The following SLC38A9 variants were observed in gnomAD, a reference collection of about 807,000 sequenced individuals.
The protein encoded by SLC38A9 is solute carrier family 38 member 9.
A neutral mutation model predicts 62.3 loss-of-function variants in SLC38A9; 48 were observed. The observed-to-expected ratio is 0.77, with a 90% confidence interval of 0.61 to 0.98. The LOEUF (loss-of-function observed/expected upper bound fraction) is 0.98. SLC38A9 is among the 50% of genes least tolerant of loss of function. SLC38A9 has a pLI of 0.00. For synonymous variants in SLC38A9, 204 were observed against 227.7 expected (o/e 0.90, Z 0.94); for missense variants, 541 against 679.8 (o/e 0.80, Z 2.27).
Position 55,643,833 on chromosome 5 carries a change from A to G in SLC38A9, c.1167+1956T>C, listed in dbSNP as rs567481400. 5.9e-5 allele frequency among the ~76,000 whole-genome samples: 9 copies of G among 152,350 alleles called. No homozygotes were observed. The South Asian group carries it at 1.9e-3, about 32-fold the overall frequency. ...AGTTCTAAAGTCTATTTCATCTGATATCAATTTGGCCACTCCAGCTTTCTT... is the reference window on the plus strand; with the variant it reads ...AGTTCTAAAGTCTATTTCATCTGATGTCAATTTGGCCACTCCAGCTTTCTT... On this transcript the variant is annotated intron_variant, in intron 12 of 15. Transcript: ENST00000396865.
chr5:55,705,182 A>C (rs1757131075), intron 2 of SLC38A9, among the ~76,000 whole-genome samples: 3 of 152,260 alleles, frequency 2.0e-5, no homozygotes, highest in South Asian at 2.1e-4. Context: ...AGGTAAGAAA[A>C]ATAAAAAGGT....
At chr5:55,672,408 T>A (rs1751471749) in intron 4 of SLC38A9, among the ~76,000 whole-genome samples, 155 bp downstream of exon 4, 1 of 152,192 alleles carries the variant, frequency 6.6e-6, no homozygotes, top group African/African-American at 2.4e-5. Flanking sequence ...GCCTGAGATG[T>A]AGGATGTGTG....
intron 9 of SLC38A9, among the ~76,000 whole-genome samples, chr5:55,654,748 T>A (rs1464345682): frequency 6.6e-6 from 1 of 152,166 alleles, no homozygotes; most frequent in African/African-American, 2.4e-5. Context: ...TGGAAAATGG[T>A]GTTGACAGTA....
At chr5:55,710,399 G>T (rs970005272) in intron 2 of SLC38A9, among the ~76,000 whole-genome samples, 4 of 151,192 alleles carry the variant, frequency 2.6e-5, no homozygotes. Context: ...GTAGAGACAG[G>T]GTTTCACCAT....
intron 3 of SLC38A9, among the ~76,000 whole-genome samples, chr5:55,678,645 CTTTTTTTTTTT>C (rs869297949): frequency 0.011 from 502 of 45,824 alleles, 10 homozygotes; most frequent in East Asian, 0.039. Context: ...CTGAAATGAA[CTTTTTTTTTTT>C]TTTTTTTTTT....
At chr5:55,666,293 TA>T (rs1750460948) in intron 7 of SLC38A9, among the ~76,000 whole-genome samples, 2 of 152,214 alleles carry the variant, frequency 1.3e-5, no homozygotes, top group African/African-American at 4.8e-5. Context: ...ATTAGTAATA[TA>T]AACTTTTTGT....
intron 3 of SLC38A9, chr5:55,692,754 A>G (rs2408204): frequency 0.65 from 641,490 of 984,756 alleles, 210,373 homozygotes; most frequent in South Asian, 0.7. Flanking sequence ...AATGACTTAC[A>G]TTCTGTTGTC....
chr5:55,672,704 G>A lies in SLC38A9; in HGVS notation c.114-9C>T, dbSNP rs1458658895. 1.9e-6 allele frequency: 3 copies of A among 1,608,666 alleles called. No individual in the cohort carries two copies. Among genetic ancestry groups the A allele is most frequent in the South Asian group, 2.2e-5 (2 of 89,834 alleles). ...GCTCTATACAGAAAGGCCTACAAAG[G>A]GAATATACACTTGACAAAAAGTGTT... On this transcript the variant is annotated splice_polypyrimidine_tract_variant and intron_variant, in intron 3 of 15. Coordinates refer to ENST00000396865, the MANE Select transcript of SLC38A9 (RefSeq NM_173514.4).
Position 55,697,828 on chromosome 5 carries a change from T to C in SLC38A9, c.113+18A>G. 1 of 1,363,870 alleles carries C rather than the reference T, an allele frequency of 7.3e-7. No individual in the cohort carries two copies. Among genetic ancestry groups the C allele is most frequent in the Non-Finnish European group, 1.0e-6 (1 of 977,030 alleles). The allele number at this position is 1,363,870 out of a possible 1,614,324, so 84.5% of individuals were successfully genotyped here. ...TAAAGACCCTAATTATGAAATGTGT[T>C]TTATTTTAAATGCTTACCTTTTGGA... On this transcript the variant is annotated intron_variant, in intron 3 of 15. Transcript: ENST00000396865.
At chr5:55,646,109 C>T (rs1746293076) in intron 11 of SLC38A9, among the ~76,000 whole-genome samples, 1 of 152,210 alleles carries the variant, frequency 6.6e-6, no homozygotes, top group African/African-American at 2.4e-5. Context: ...AGTGTGGTGG[C>T]TCACACCTGT....
intron 4 of SLC38A9, among the ~76,000 whole-genome samples, chr5:55,671,326 T>G (rs1751282070): frequency 6.6e-6 from 1 of 151,860 alleles, no homozygotes; most frequent in African/African-American, 2.4e-5. Context: ...TTTTATAATT[T>G]TATAAATTTT....
intron 8 of SLC38A9, among the ~76,000 whole-genome samples, chr5:55,659,184 A>G (rs1749003815): frequency 6.6e-6 from 1 of 152,024 alleles, no homozygotes; most frequent in Non-Finnish European, 1.5e-5. Flanking sequence ...AACATCAGAA[A>G]GATTTCCTTA....
At chr5:55,647,817 A>T (rs1490540515) in intron 11 of SLC38A9, among the ~76,000 whole-genome samples, 1 of 152,206 alleles carries the variant, frequency 6.6e-6, no homozygotes, top group Non-Finnish European at 1.5e-5. Context: ...ATTGAAATAA[A>T]ATTCATGTTT....
intron 3 of SLC38A9, among the ~76,000 whole-genome samples, chr5:55,679,537 G>C (rs1752698432): frequency 6.6e-6 from 1 of 151,544 alleles, no homozygotes; most frequent in African/African-American, 2.4e-5. Context: ...CTACTATGCT[G>C]AGAATCTCTT....
chr5:55,676,446 G>A (rs2150386865), intron 3 of SLC38A9, among the ~76,000 whole-genome samples: 1 of 152,222 alleles, frequency 6.6e-6, no homozygotes, highest in East Asian at 1.9e-4. Flanking sequence ...CCAAAGTGTT[G>A]GGATTAAAGG....
chr5:55,653,035 C>T (rs1010657808), intron 9 of SLC38A9, among the ~76,000 whole-genome samples: 2 of 152,098 alleles, frequency 1.3e-5, no homozygotes, highest in South Asian at 2.1e-4. Context: ...GGCGTGATCT[C>T]GGCTCACTGC....
intron 3 of SLC38A9, among the ~76,000 whole-genome samples, chr5:55,678,398 A>C (rs548369687): frequency 6.6e-6 from 1 of 152,174 alleles, no homozygotes; most frequent in African/African-American, 2.4e-5. Context: ...TCACCTCCCA[A>C]AGTGCTGGGA....
Position 55,633,873 on chromosome 5 carries a change from G to A in SLC38A9, c.1311C>T (p.Asp437=). The part of the protein sequence containing the change: ...QNFLDNFPSS[D]TLSFIARIFL... ...ATATCCTTGCAATGAAGGACAGGGT[G>A]TCACTGCTAGGGAAGTTGTCTAAAA... Residue 437 remains aspartate (D), a synonymous_variant, in exon 14 of 16, where the codon GAC becomes GAT. Transcript: ENST00000396865. 1 of 1,611,404 alleles carries A rather than the reference G, an allele frequency of 6.2e-7. No individual in the cohort carries two copies. Among genetic ancestry groups the A allele is most frequent in the Non-Finnish European group, 8.5e-7 (1 of 1,178,922 alleles).
At chr5:55,670,582 C>T (rs3887062) in intron 4 of SLC38A9, among the ~76,000 whole-genome samples, 91,056 of 152,054 alleles carry the variant, frequency 0.6, 27,853 homozygotes, top group South Asian at 0.7. Flanking sequence ...ATATCATTGT[C>T]AATTTTACAT....
Sources: allele counts gnomAD v4.1 joint callset (sites outside exome capture counted in the v4.1 genomes callset), GRCh38; gene constraint gnomAD v4.1.1; transcripts MANE v1.5; gene names NCBI Gene and HGNC (gene_info 2026-07-23, HGNC 2026-07-21).